C5orf63: variants seen among roughly 807,000 people sequenced by gnomAD.
The protein encoded by C5orf63 is chromosome 5 open reading frame 63.
In C5orf63, 18 loss-of-function variants were observed where a neutral mutation model predicts 13.3. The observed-to-expected ratio is 1.36, with a 90% CI of 0.94 to 2.01. The LOEUF (loss-of-function observed/expected upper bound fraction) is 2.01. C5orf63 is among the 30% of genes most tolerant of loss of function. The pLI, the probability that C5orf63 is intolerant of heterozygous loss-of-function variation, is 0.00. For missense variants in C5orf63, 118 were observed against 127.7 expected, an observed-to-expected ratio of 0.92 and a Z score of 0.36; for synonymous variants, 38 against 44.7, an observed-to-expected ratio of 0.85 and a Z score of 0.60.
chr5:127,070,763 T>C (rs1343979187), intron 2 of C5orf63, among the ~76,000 whole-genome samples: 2 of 152,296 alleles, frequency 1.3e-5, no homozygotes, highest in African/African-American at 4.8e-5. Context: ...GGGTGAGGCG[T>C]TGCATGGCAG....
intron 3 of C5orf63, among the ~76,000 whole-genome samples, chr5:127,057,614 C>T (rs988867271): frequency 7.2e-5 from 11 of 152,296 alleles, no homozygotes; most frequent in Middle Eastern, 3.4e-3. Flanking sequence ...CCTTGCAACC[C>T]CCAAGTCAAT....
chr5:127,071,145 A>G (rs1178940537), intron 2 of C5orf63, among the ~76,000 whole-genome samples: 1 of 152,196 alleles, frequency 6.6e-6, no homozygotes, highest in African/African-American at 2.4e-5. Context: ...AGTGATTAAG[A>G]TATTGTCACT....
At position 127,051,954 on chromosome 5, in the gene C5orf63, CAG is replaced by C; in HGVS notation, c.172-9_172-8del. The C allele has an allele frequency of 6.7e-7, 1 of 1,490,704 alleles. No homozygotes were observed. Among genetic ancestry groups the C allele is most frequent in the Non-Finnish European group, 8.9e-7 (1 of 1,124,278 alleles). The allele number at this position is 1,490,704 out of a possible 1,614,324, so 92.3% of individuals were successfully genotyped here. A position where few individuals can be genotyped will look rare whatever the true frequency, so the allele number is the denominator to read the frequency against. ...TCACCTCCTGTAAAATGAACTGAAA[CAG>C]AGACAGACTAAAGCTCTGTATTTTA... is the stretch of plus-strand genomic sequence containing the variant. On this transcript the variant is annotated splice_region_variant and splice_polypyrimidine_tract_variant and intron_variant, in intron 4 of 4. Coordinates refer to ENST00000296662, the MANE Select transcript of C5orf63 (RefSeq NM_001164478.2).
At chr5:127,068,033 G>A (rs1754393051) in intron 2 of C5orf63, among the ~76,000 whole-genome samples, 1 of 152,074 alleles carries the variant, frequency 6.6e-6, no homozygotes, top group African/African-American at 2.4e-5. Flanking sequence ...GCATTTTTAG[G>A]TGAGGATTTC....
Position 127,052,674 on chromosome 5 carries a change from A to T in C5orf63, c.115-5T>A. On this transcript the variant is annotated splice_region_variant and splice_polypyrimidine_tract_variant and intron_variant, in intron 3 of 4. Transcript: ENST00000296662. ...ATCACAAAGGGGGCATGGGTCCTAC[A>T]GGAAGAAAAAAAACCCAAGCGATTA... 6.7e-7 allele frequency: 1 copy of T among 1,486,418 alleles called. No individual in the cohort carries two copies. Among genetic ancestry groups the T allele is most frequent in the South Asian group, 1.3e-5 (1 of 74,660 alleles). 92.1% of individuals were successfully genotyped at this position (1,486,418 alleles called of 1,614,324 possible).
downstream of C5orf63, among the ~76,000 whole-genome samples, chr5:127,050,498 A>T (rs1039267427): frequency 1.3e-5 from 2 of 152,042 alleles, no homozygotes; most frequent in African/African-American, 4.8e-5. Context: ...TTGATTCCAG[A>T]TTTGTGTTGG....
Position 127,058,918 on chromosome 5 carries a change from A to G in C5orf63, c.78T>C (p.Ser26=). 2 of 1,537,056 alleles carry G rather than the reference A, an allele frequency of 1.3e-6. No individual in the cohort carries two copies. The highest frequency in any genetic ancestry group is 1.2e-5 in the South Asian group (1 of 84,058). The change falls in exon 3 of 5, where the codon TCT becomes TCC. Residue 26 remains serine, a synonymous_variant. Transcript: ENST00000296662. ...AGGTCAACACAGGCAGAGTTGTCTT[A>G]GAGGCAGAGCAATTTCTCAAGAAGA... ...FGLFLRNCSA[S]KTTLPVLTLF... is the part of the protein sequence containing the mutation.
chr5:127,065,048 C>T (rs1754271586), intron 2 of C5orf63, among the ~76,000 whole-genome samples: 1 of 152,108 alleles, frequency 6.6e-6, no homozygotes, highest in Admixed American at 6.5e-5. Context: ...ATAAAGCTCT[C>T]AGATGGACTA....
chr5:127,069,682 A>G (rs968310583), intron 2 of C5orf63, among the ~76,000 whole-genome samples: 3 of 152,192 alleles, frequency 2.0e-5, no homozygotes, highest in Non-Finnish European at 2.9e-5. Context: ...ACAGTCTTCA[A>G]TCTGAATGTT....
intron 2 of C5orf63, among the ~76,000 whole-genome samples, chr5:127,065,825 A>AT (rs1158066193): frequency 1.3e-5 from 2 of 152,174 alleles, no homozygotes; most frequent in Non-Finnish European, 1.5e-5. Flanking sequence ...GGGATGCATT[A>AT]TTTATTCAAC....
chr5:127,061,206 G>T (rs1580531334), intron 2 of C5orf63, among the ~76,000 whole-genome samples: 1 of 152,050 alleles, frequency 6.6e-6, no homozygotes. Flanking sequence ...CTCAAATCTT[G>T]CCCTCCTCTG....
chr5:127,069,667 G>A (rs1414936598), intron 2 of C5orf63, among the ~76,000 whole-genome samples: 1 of 152,196 alleles, frequency 6.6e-6, no homozygotes, highest in Non-Finnish European at 1.5e-5. Flanking sequence ...CAGGCCTGTA[G>A]AAATACAGTC....
chr5:127,058,026 A>C (rs1753953902), intron 3 of C5orf63, among the ~76,000 whole-genome samples: 1 of 152,202 alleles, frequency 6.6e-6, no homozygotes, highest in South Asian at 2.1e-4. Context: ...ATACTAAATA[A>C]GGTATCTTTA....
chr5:127,062,600 C>G (rs1754149783), intron 2 of C5orf63, among the ~76,000 whole-genome samples: 1 of 152,154 alleles, frequency 6.6e-6, no homozygotes, highest in African/African-American at 2.4e-5. Context: ...TGATACACTT[C>G]AATGGGAACT....
chr5:127,052,307 T>G (rs181692236), intron 4 of C5orf63: 2 of 332,610 alleles, frequency 6.0e-6, no homozygotes, highest in East Asian at 9.5e-5. Flanking sequence ...AACACATCAG[T>G]GCAAACTGCA....
chr5:127,064,408 C>G (rs1754241482), intron 2 of C5orf63, among the ~76,000 whole-genome samples: 1 of 152,018 alleles, frequency 6.6e-6, no homozygotes, highest in Non-Finnish European at 1.5e-5. Context: ...GGAGGTAGAG[C>G]CAACTCAAAC....
intron 2 of C5orf63, among the ~76,000 whole-genome samples, chr5:127,061,622 A>G (rs756392965): frequency 6.6e-6 from 1 of 152,258 alleles, no homozygotes; most frequent in Non-Finnish European, 1.5e-5. Context: ...ATATTTTTAT[A>G]GATTCAGCAG....
Position 127,058,889 on chromosome 5 carries a change from A to G in C5orf63, c.107T>C (p.Phe36Ser), listed in dbSNP as rs1295619638. The stretch of plus-strand genomic sequence containing the variant: ...TACTTTTTCACTTTGTACCTTTGTG[A>G]ATAAGGTCAACACAGGCAGAGTTGT... ...SKTTLPVLTL[F>S]TKDPCPLCDE... The change falls in exon 3 of 5, where the codon TTC becomes TCC. Residue 36 changes from phenylalanine (F) to serine (S), a missense_variant. Coordinates refer to ENST00000296662, the MANE Select transcript of C5orf63 (RefSeq NM_001164478.2). 1 of 1,531,828 alleles carries G rather than the reference A, an allele frequency of 6.5e-7. No individual in the cohort carries two copies. Among genetic ancestry groups the G allele is most frequent in the Non-Finnish European group, 8.8e-7 (1 of 1,142,398 alleles). The allele number at this position is 1,531,828 out of a possible 1,614,324, so 94.9% of individuals were successfully genotyped here. A position where few individuals can be genotyped will look rare whatever the true frequency, so the allele number is the denominator to read the frequency against.
rs1728604067 is a variant in C5orf63, at chr5:127,051,609, C to T, written c.*162G>A. On this transcript the variant is annotated 3_prime_UTR_variant, in exon 5 of 5. Transcript: ENST00000296662. ...TAAGCAAACAGTTCCCACACTGATA[C>T]TTCCATCAACCAAAAGGGGAATGTC... 3 of 1,286,160 alleles carry T rather than the reference C, an allele frequency of 2.3e-6. No individual in the cohort carries two copies. The highest frequency in any genetic ancestry group is 2.9e-6 in the Non-Finnish European group (3 of 1,018,630). 79.7% of individuals were successfully genotyped at this position (1,286,160 alleles called of 1,614,324 possible). A position where few individuals can be genotyped will look rare whatever the true frequency, so the allele number is the denominator to read the frequency against.
Sources: gnomAD v4.1 joint callset for allele counts (sites outside exome capture counted in the v4.1 genomes callset) on GRCh38, gnomAD v4.1.1 for gene constraint, MANE v1.5 for transcripts, NCBI Gene and HGNC (gene_info 2026-07-23, HGNC 2026-07-21) for gene names.